Variants in SEMA6A observed in about 807,000 individuals in gnomAD.
SEMA6A encodes the protein semaphorin-6A.
Under a neutral mutation model 96.8 loss-of-function variants are expected in SEMA6A, and 25 were observed. The ratio of observed to expected loss-of-function variants is 0.26; its 90% CI spans 0.19 to 0.36. The LOEUF (loss-of-function observed/expected upper bound fraction) is 0.36, where lower values mean the gene tolerates loss of function less well. Ranked by LOEUF, SEMA6A falls within the 10% of genes least tolerant of loss-of-function variation. The pLI, the probability that SEMA6A is intolerant of heterozygous loss-of-function variation, is 1.00. For synonymous variants in SEMA6A, 612 were observed against 518.0 expected (o/e 1.18, Z -2.46); for missense variants, 1,363 against 1,323.1 (o/e 1.03, Z -0.47).
chr5:116,568,580 A>G (rs1761096493), intron 1 of SEMA6A, among the ~76,000 whole-genome samples: 2 of 152,216 alleles, frequency 1.3e-5, no homozygotes, highest in Admixed American at 1.3e-4. Flanking sequence ...CAAAAGCTCA[A>G]TCCCCACAAA....
In SEMA6A at chr5:116,460,368, A is replaced by AT. The variant is rs1292828069; in HGVS notation, c.1894+7214dup. ...CTAAGAATATTTTTCGTGGAATAAG[A>AT]TTTTTTCTTAAACATATCAGAATAT... On this transcript the variant is annotated intron_variant, in intron 18 of 18. Transcript: ENST00000343348. Among the ~76,000 whole-genome samples the AT allele has an allele frequency of 3.9e-5, 6 of 152,220 alleles. No homozygotes were observed. The East Asian group carries it at 7.7e-4, about 20-fold the overall frequency.
chr5:116,572,142 G>T (rs1050296226), intron 1 of SEMA6A, among the ~76,000 whole-genome samples: 1 of 152,154 alleles, frequency 6.6e-6, no homozygotes, highest in African/African-American at 2.4e-5. Context: ...TAGCTTTTCT[G>T]AGACCTGCTG....
At position 116,447,190 on chromosome 5, in the gene SEMA6A, GCCACCTCGCTCATTTTGGGCTGGT is replaced by G; in HGVS notation, c.2492_2515del (p.Asp831_Val838del). On this transcript the variant is annotated inframe_deletion, in exon 19 of 19. Transcript: ENST00000343348. Reference sequence around the variant, plus strand: ...GGCCTGGTCCTCCAGCGCCATCTGGGCCACCTCGCTCATTTTGGGCTGGTCCACGTACTCATGCTGGTAGCCCTG... The same window carrying G: ...GGCCTGGTCCTCCAGCGCCATCTGGGCCACGTACTCATGCTGGTAGCCCTG... 6.2e-7 allele frequency: 1 copy of G among 1,614,044 alleles called. No individual in the cohort carries two copies. The highest frequency in any genetic ancestry group is 8.5e-7 in the Non-Finnish European group (1 of 1,179,904).
intron 18 of SEMA6A, among the ~76,000 whole-genome samples, chr5:116,467,162 T>C (rs1000331054): frequency 2.6e-5 from 4 of 152,180 alleles, no homozygotes; most frequent in African/African-American, 4.8e-5. Context: ...TGTCCTGCTA[T>C]TTCTCAATTC....
At position 116,511,342 on chromosome 5, in the gene SEMA6A, T is replaced by C. The variant is rs186522622; in HGVS notation, c.-38-6360A>G. ...ACAGATGCAATTTTTTAAAAAAAAA[T>C]TTCTATCAGCGGTTGGTTGAATCCA... On this transcript the variant is annotated intron_variant, in intron 1 of 18. Coordinates refer to ENST00000343348, the MANE Select transcript of SEMA6A (RefSeq NM_020796.5). Among the ~76,000 whole-genome samples the C allele has an allele frequency of 2.3e-3, 354 of 152,246 alleles. 2 individuals carry two copies. The highest frequency in any genetic ancestry group is 8.0e-3 in the African/African-American group (331 of 41,554).
chr5:116,513,197 G>C (rs941116182), intron 1 of SEMA6A, among the ~76,000 whole-genome samples: 4 of 151,804 alleles, frequency 2.6e-5, no homozygotes, highest in African/African-American at 9.7e-5. Flanking sequence ...GCGCGATCTC[G>C]GCTCACCACA....
At chr5:116,468,630 A>T (rs1755919027) in intron 17 of SEMA6A, 1 of 152,230 alleles carries the variant, frequency 6.6e-6, no homozygotes, top group South Asian at 2.1e-4. Flanking sequence ...TCCCTCCATC[A>T]TTCCACAAGG....
At chr5:116,476,490 C>A (rs1410092539) in intron 15 of SEMA6A, among the ~76,000 whole-genome samples, 5 of 152,200 alleles carry the variant, frequency 3.3e-5, no homozygotes, top group Non-Finnish European at 2.9e-5. Flanking sequence ...AAAATCAAAT[C>A]CCTCAAAAGA....
intron 1 of SEMA6A, among the ~76,000 whole-genome samples, chr5:116,534,425 T>C (rs1202837742): frequency 6.6e-6 from 1 of 152,178 alleles, no homozygotes; most frequent in East Asian, 1.9e-4. Flanking sequence ...TGCCTCCTTC[T>C]CCACCACATT....
At chr5:116,510,376 T>A (rs994180317) in intron 1 of SEMA6A, among the ~76,000 whole-genome samples, 14 of 152,204 alleles carry the variant, frequency 9.2e-5, no homozygotes, top group African/African-American at 3.4e-4. Context: ...AACTCCTACG[T>A]GACATCAAAC....
chr5:116,474,074 C>G (rs1163993007), intron 16 of SEMA6A, among the ~76,000 whole-genome samples: 1 of 152,164 alleles, frequency 6.6e-6, no homozygotes, highest in African/African-American at 2.4e-5. Flanking sequence ...CCTGAGAACA[C>G]AGATAAGGGT....
intron 1 of SEMA6A, among the ~76,000 whole-genome samples, chr5:116,553,439 G>T (rs1168151991): frequency 6.6e-6 from 1 of 152,168 alleles, no homozygotes; most frequent in East Asian, 1.9e-4. Context: ...CTTGCAAAAG[G>T]GGGAGAGCAG....
intron 1 of SEMA6A, among the ~76,000 whole-genome samples, chr5:116,510,780 A>C (rs955665739): frequency 6.6e-6 from 1 of 152,158 alleles, no homozygotes; most frequent in East Asian, 1.9e-4. Context: ...GAGAGGCTGG[A>C]AAGTTTGTCT....
chr5:116,468,181 C>T (rs1755889982), intron 17 of SEMA6A: 1 of 161,020 alleles, frequency 6.2e-6, no homozygotes, highest in Non-Finnish European at 1.3e-5. Flanking sequence ...AGAAAGTGTC[C>T]ACTCTGGGAA....
intron 6 of SEMA6A, among the ~76,000 whole-genome samples, chr5:116,493,498 T>G (rs1351478396): frequency 6.6e-6 from 1 of 152,178 alleles, no homozygotes; most frequent in African/African-American, 2.4e-5. Flanking sequence ...TAATTTTGAT[T>G]TTTAAAAAAT....
chr5:116,570,688 A>G (rs1276145485), intron 1 of SEMA6A, among the ~76,000 whole-genome samples: 1 of 152,190 alleles, frequency 6.6e-6, no homozygotes, highest in African/African-American at 2.4e-5. Flanking sequence ...CTTTCATCCC[A>G]TCATCACTCT....
chr5:116,503,565 G>T (rs1182100969), intron 2 of SEMA6A, among the ~76,000 whole-genome samples: 2 of 150,754 alleles, frequency 1.3e-5, no homozygotes, highest in Non-Finnish European at 3.0e-5. Context: ...AGGCTGGAGT[G>T]CAGTGGTGTG....
intron 7 of SEMA6A, among the ~76,000 whole-genome samples, chr5:116,491,081 AG>A (rs1352136317): frequency 1.3e-5 from 2 of 152,200 alleles, no homozygotes; most frequent in African/African-American, 4.8e-5. Flanking sequence ...TTTTGGTCAG[AG>A]ATGGGTGTGT....
At chr5:116,486,680 G>C (rs1757064401) in intron 10 of SEMA6A, 69 bp downstream of exon 10, 2 of 1,309,404 alleles carry the variant, frequency 1.5e-6, no homozygotes, top group East Asian at 2.3e-5. Context: ...TGGTTTATTA[G>C]AAGAGAACCC....
Sources: gnomAD v4.1 joint callset for allele counts (sites outside exome capture counted in the v4.1 genomes callset) on GRCh38, gnomAD v4.1.1 for gene constraint, MANE v1.5 for transcripts, NCBI Gene and HGNC (gene_info 2026-07-23, HGNC 2026-07-21) for gene names.